Variants in XKR9 observed in about 807,000 individuals in gnomAD.
XKR9 encodes XK related 9.
A neutral mutation model predicts 32.0 loss-of-function variants in XKR9; 32 were observed. The ratio of observed to expected loss-of-function variants is 1.00; its 90% CI spans 0.76 to 1.34. The LOEUF (loss-of-function observed/expected upper bound fraction) is 1.34. Among genes scored for constraint, XKR9 ranks in the 40% most tolerant of loss-of-function variants. The pLI is 0.00. For missense variants in XKR9, 546 were observed against 429.7 expected (o/e 1.27, Z -2.39); for synonymous variants, 168 against 143.4 (o/e 1.17, Z -1.22).
At chr8:71,043,582 G>A in the XKR9 span, among the ~76,000 whole-genome samples, 7 of 152,252 alleles carry the variant, frequency 4.6e-5, no homozygotes. Context: ...CAACCATCAA[G>A]GAAAGATGCG....
the XKR9 span, among the ~76,000 whole-genome samples, chr8:70,942,876 T>G: frequency 6.6e-6 from 1 of 152,146 alleles, no homozygotes; most frequent in African/African-American, 2.4e-5. Flanking sequence ...CCCATAAGTC[T>G]TACCTACTTT....
the XKR9 span, among the ~76,000 whole-genome samples, chr8:70,803,489 G>A: frequency 6.6e-6 from 1 of 152,198 alleles, no homozygotes; most frequent in Admixed American, 6.5e-5. Flanking sequence ...GGGAACTAGT[G>A]CAATCATTTG....
intron 4 of XKR9, among the ~76,000 whole-genome samples, chr8:70,732,457 G>C (rs1274629270): frequency 6.6e-6 from 1 of 152,230 alleles, no homozygotes; most frequent in South Asian, 2.1e-4. Context: ...GCAGCCACTT[G>C]GGCTGGCCTC....
chr8:70,707,846 A>G (rs1758206678), intron 4 of XKR9, among the ~76,000 whole-genome samples: 1 of 152,062 alleles, frequency 6.6e-6, no homozygotes, highest in South Asian at 2.1e-4. Context: ...GTCTATTTCC[A>G]TCTTCCTTTT....
chr8:70,990,256 A>G, the XKR9 span, among the ~76,000 whole-genome samples: 59 of 152,196 alleles, frequency 3.9e-4, no homozygotes, highest in Non-Finnish European at 6.9e-4. Context: ...TCTAATTGTA[A>G]TAACTCTCCT....
chr8:70,800,257 A>G, the XKR9 span, among the ~76,000 whole-genome samples: 4 of 152,152 alleles, frequency 2.6e-5, no homozygotes, highest in Non-Finnish European at 5.9e-5. Flanking sequence ...GCTGGATTCA[A>G]TTTGCTAGTA....
At chr8:71,065,105 G>T in the XKR9 span, among the ~76,000 whole-genome samples, 5 of 152,126 alleles carry the variant, frequency 3.3e-5, no homozygotes, top group African/African-American at 1.2e-4. Context: ...TAAGATATAA[G>T]AAGAAAGCAT....
intron 3 of XKR9, among the ~76,000 whole-genome samples, chr8:70,699,292 A>T (rs1805419691): frequency 6.6e-6 from 1 of 152,166 alleles, no homozygotes; most frequent in East Asian, 1.9e-4. Context: ...GGTCTTTACA[A>T]TTTGGCATGA....
chr8:70,770,638 T>C (rs1166895470), intron 2 of XKR9, among the ~76,000 whole-genome samples: 1 of 152,166 alleles, frequency 6.6e-6, no homozygotes, highest in Non-Finnish European at 1.5e-5. Context: ...AGAGAGGCAA[T>C]CTGGCTACAG....
chr8:70,801,079 T>C, the XKR9 span, among the ~76,000 whole-genome samples: 2 of 152,032 alleles, frequency 1.3e-5, no homozygotes, highest in Non-Finnish European at 2.9e-5. Flanking sequence ...TTAAAAAAAT[T>C]AGTGTAGCTA....
the XKR9 span, among the ~76,000 whole-genome samples, chr8:71,033,142 A>G: frequency 6.6e-6 from 1 of 152,078 alleles, no homozygotes; most frequent in African/African-American, 2.4e-5. Flanking sequence ...CTATAATATA[A>G]TTTCTCAGAA....
At chr8:70,919,056 C>T in the XKR9 span, among the ~76,000 whole-genome samples, 2 of 152,016 alleles carry the variant, frequency 1.3e-5, no homozygotes, top group Admixed American at 6.5e-5. Flanking sequence ...GGATTACAGG[C>T]GTGAGCCACT....
chr8:70,955,939 A>G, the XKR9 span, among the ~76,000 whole-genome samples: 1 of 152,144 alleles, frequency 6.6e-6, no homozygotes, highest in Non-Finnish European at 1.5e-5. Context: ...TCCTGTCTGG[A>G]TGAGGGGGAC....
chr8:71,018,002 A>G, the XKR9 span, among the ~76,000 whole-genome samples: 3 of 152,226 alleles, frequency 2.0e-5, no homozygotes, highest in East Asian at 1.9e-4. Context: ...ACAACGTACT[A>G]TGCTTTCAAA....
At chr8:70,977,435 A>G in the XKR9 span, among the ~76,000 whole-genome samples, 79,058 of 151,956 alleles carry the variant, frequency 0.52, 21,591 homozygotes, top group Middle Eastern at 0.61. Context: ...CCCAGAGATT[A>G]TGGTACGTTG....
chr8:70,721,103 A>G (rs1258189042), intron 4 of XKR9, among the ~76,000 whole-genome samples: 1 of 152,190 alleles, frequency 6.6e-6, no homozygotes, highest in Non-Finnish European at 1.5e-5. Context: ...TGTTTATAGT[A>G]TTCTCTGAGG....
the XKR9 span, among the ~76,000 whole-genome samples, chr8:70,809,528 A>G: frequency 6.6e-6 from 1 of 152,208 alleles, no homozygotes; most frequent in African/African-American, 2.4e-5. Flanking sequence ...CCCATGGCGA[A>G]GAAGTTAAAA....
At chr8:70,785,901 A>G (rs2130260946) in intron 2 of XKR9, among the ~76,000 whole-genome samples, 1 of 151,802 alleles carries the variant, frequency 6.6e-6, no homozygotes, top group South Asian at 2.1e-4. Flanking sequence ...ATATCTCACT[A>G]CAACTTTGAA....
the XKR9 span, among the ~76,000 whole-genome samples, chr8:70,874,832 A>C: frequency 6.6e-6 from 1 of 152,280 alleles, no homozygotes; most frequent in South Asian, 2.1e-4. Context: ...AGTGGGTATT[A>C]GTAGTTCAGG....
Sources: gnomAD v4.1 joint callset for allele counts (sites outside exome capture counted in the v4.1 genomes callset) on GRCh38, gnomAD v4.1.1 for gene constraint, MANE v1.5 for transcripts, NCBI Gene and HGNC (gene_info 2026-07-23, HGNC 2026-07-21) for gene names.